The following CEMIP2 variants were observed in gnomAD, a reference collection of about 807,000 sequenced individuals.
CEMIP2 encodes cell migration inducing hyaluronidase 2.
In CEMIP2, 79 loss-of-function variants were observed where a neutral mutation model predicts 146.9. The ratio of observed to expected loss-of-function variants is 0.54; its 90% CI spans 0.45 to 0.65. CEMIP2 has a LOEUF of 0.65. Among genes scored for constraint, CEMIP2 ranks in the 30% least tolerant of loss-of-function variants. CEMIP2 has a pLI of 0.00. For missense variants in CEMIP2, 1,596 were observed against 1,696.2 expected (o/e 0.94, Z 1.04); for synonymous variants, 601 against 606.3 (o/e 0.99, Z 0.13).
At chr9:71,730,978 T>C in intron 7 of CEMIP2, 64 bp from the exon 8 acceptor site, 1 of 1,339,800 alleles carries the variant, frequency 7.5e-7, no homozygotes, top group South Asian at 1.2e-5. Flanking sequence ...CAAAAAATAT[T>C]GTTCTAGTAG....
chr9:71,692,200 T>C (rs569450718), intron 21 of CEMIP2, among the ~76,000 whole-genome samples: 16 of 151,644 alleles, frequency 1.1e-4, no homozygotes, highest in South Asian at 6.3e-4. Context: ...GTAAAAAGCA[T>C]TGGGGATAAA....
chr9:71,712,043 TCACCATAGTCA>T, intron 16 of CEMIP2, 29 bp downstream of exon 16: 1 of 1,594,544 alleles, frequency 6.3e-7, no homozygotes, highest in Admixed American at 1.7e-5. Context: ...CCTCCTTTTT[TCACCATAGTCA>T]CTACGTAAGA....
chr9:71,717,681 A>C (rs1219771198), intron 13 of CEMIP2, among the ~76,000 whole-genome samples: 1 of 152,168 alleles, frequency 6.6e-6, no homozygotes. Context: ...TTGTTATATA[A>C]AGTTAAATTC....
chr9:71,695,434 G>C (rs534361915), intron 20 of CEMIP2, among the ~76,000 whole-genome samples: 6 of 152,206 alleles, frequency 3.9e-5, no homozygotes, highest in African/African-American at 9.6e-5. Flanking sequence ...CAGCGCTTTG[G>C]GGGGCTGAGA....
chr9:71,735,018 AAAAG>A (rs773120570), intron 5 of CEMIP2, 24 bp from the exon 6 acceptor site: 3 of 1,571,410 alleles, frequency 1.9e-6, no homozygotes, highest in Non-Finnish European at 2.6e-6. Flanking sequence ...AAAAAAAAGA[AAAAG>A]AAAGTGATAC....
intron 13 of CEMIP2, among the ~76,000 whole-genome samples, chr9:71,717,277 A>T (rs1379761942): frequency 6.6e-6 from 1 of 152,208 alleles, no homozygotes; most frequent in Non-Finnish European, 1.5e-5. Context: ...TTTAAAAACA[A>T]CTAGACTGTG....
chr9:71,692,297 AT>A (rs10683724), intron 21 of CEMIP2, among the ~76,000 whole-genome samples: 2,435 of 78,838 alleles, frequency 0.031, 66 homozygotes, highest in African/African-American at 0.11. Context: ...CCTGCCTGAT[AT>A]TTTTTTTTTT....
At chr9:71,729,120 G>A (rs1355534285) in intron 10 of CEMIP2, among the ~76,000 whole-genome samples, 5 of 151,856 alleles carry the variant, frequency 3.3e-5, no homozygotes, top group South Asian at 2.1e-4. Context: ...GATTACAGGC[G>A]TGAGCCACTG....
chr9:71,722,331 A>C (rs943942503), intron 12 of CEMIP2, 96 bp downstream of exon 12: 6 of 925,200 alleles, frequency 6.5e-6, no homozygotes, highest in Non-Finnish European at 6.6e-6. Context: ...CTTTATTTTA[A>C]ATGTATTACC....
At chr9:71,761,884 T>G (rs1446093509) in intron 1 of CEMIP2, among the ~76,000 whole-genome samples, 1 of 152,138 alleles carries the variant, frequency 6.6e-6, no homozygotes, top group East Asian at 1.9e-4. Flanking sequence ...GAATAGAGCT[T>G]AATTTTCTAA....
chr9:71,690,769 CAA>C (rs767536881), intron 21 of CEMIP2, among the ~76,000 whole-genome samples: 2 of 152,148 alleles, frequency 1.3e-5, no homozygotes, highest in African/African-American at 2.4e-5. Context: ...ATCAAAATGA[CAA>C]AGTGATAATT....
rs6151029 is a variant in CEMIP2, at chr9:71,714,366, G to GTGATGATGA, written c.2591+559_2591+567dup. On this transcript the variant is annotated intron_variant, in intron 15 of 23. Transcript: ENST00000377044. ...TGCTAAGTACAATTTTAATGACTCT[G>GTGATGATGA]TGATGATGATGACAGAAAACATGCC... 8.6e-5 allele frequency among the ~76,000 whole-genome samples: 13 copies of GTGATGATGA among 151,850 alleles called. No homozygotes were observed. The Middle Eastern group carries it at 0.014, about 159-fold the overall frequency.
intron 4 of CEMIP2, among the ~76,000 whole-genome samples, chr9:71,743,692 A>C (rs1823989814): frequency 6.6e-6 from 1 of 152,186 alleles, no homozygotes; most frequent in Non-Finnish European, 1.5e-5. Context: ...CCACTAGATT[A>C]ACCATGGGCT....
chr9:71,728,241 A>ATATATACATATATACG lies in CEMIP2; in HGVS notation c.2049+1603_2049+1604insCGTATATATGTATATA, dbSNP rs1554684649. 8.3e-5 allele frequency among the ~76,000 whole-genome samples: 4 copies of ATATATACATATATACG among 48,082 alleles called. 1 individual carries two copies. The South Asian group carries it at 3.4e-3, about 41-fold the overall frequency. The allele number at this position is 48,082 out of a possible 152,430, so 31.5% of individuals were successfully genotyped here. The stretch of plus-strand genomic sequence containing the variant: ...TCTCTCTCTCTCTCTCTATATATAT[A>ATATATACATATATACG]TATATATATGTATATACACGTATAT... On this transcript the variant is annotated intron_variant, in intron 10 of 23. Transcript: ENST00000377044.
rs66978424 is a variant in CEMIP2 at position 71,762,046 on chromosome 9, A to T, written c.-13+6311T>A. ...ATAGTGACTAAAAAGTATGGGAGGG[A>T]GGGGAGGGTGACACACTACAGAAGT... is the stretch of plus-strand genomic sequence containing the variant. On this transcript the variant is annotated intron_variant, in intron 1 of 23. Coordinates refer to ENST00000377044, the MANE Select transcript of CEMIP2 (RefSeq NM_013390.3). Among the ~76,000 whole-genome samples, 19 of 53,128 alleles carry T rather than the reference A, an allele frequency of 3.6e-4. No individual in the cohort carries two copies. In the East Asian group the frequency reaches 0.015, roughly 42 times the overall value. The allele number at this position is 53,128 out of a possible 152,430, so 34.9% of individuals were successfully genotyped here.
chr9:71,690,286 T>A, intron 21 of CEMIP2, 40 bp from the exon 22 acceptor site: 1 of 1,601,328 alleles, frequency 6.2e-7, no homozygotes, highest in Non-Finnish European at 8.5e-7. Flanking sequence ...ATCATCATTT[T>A]GAGAACATCT....
intron 10 of CEMIP2, among the ~76,000 whole-genome samples, 156 bp from the exon 11 acceptor site, chr9:71,725,865 C>T (rs565432578): frequency 2.0e-5 from 3 of 152,266 alleles, no homozygotes; most frequent in East Asian, 1.9e-4. Flanking sequence ...GTTGTACACA[C>T]GTCTCAAAGT....
rs994698603 is a variant in CEMIP2 at position 71,725,896 on chromosome 9, T to A, written c.2050-187A>T. Among the ~76,000 whole-genome samples, 9 of 152,338 alleles carry A rather than the reference T, an allele frequency of 5.9e-5. 1 individual carries two copies. The highest frequency in any genetic ancestry group is 3.9e-4 in the East Asian group (2 of 5,190). ...AAAGTGGTTATATCATGTATTTTTT[T>A]AAAAAAGCAAATTTAATTTTGCTTG... On this transcript the variant is annotated intron_variant, in intron 10 of 23. Coordinates refer to ENST00000377044, the MANE Select transcript of CEMIP2 (RefSeq NM_013390.3).
chr9:71,728,245 A>ACACG (rs1231805063), intron 10 of CEMIP2, among the ~76,000 whole-genome samples: 1 of 40,342 alleles, frequency 2.5e-5, no homozygotes, highest in Non-Finnish European at 5.9e-5. Flanking sequence ...ATATATATAT[A>ACACG]TATATGTATA....
Sources: gnomAD v4.1 joint callset for allele counts (sites outside exome capture counted in the v4.1 genomes callset) on GRCh38, gnomAD v4.1.1 for gene constraint, MANE v1.5 for transcripts, NCBI Gene and HGNC (gene_info 2026-07-23, HGNC 2026-07-21) for gene names.